The following GALNT8 variants were observed in gnomAD, a reference collection of about 807,000 sequenced individuals.
The protein encoded by GALNT8 is probable polypeptide N-acetylgalactosaminyltransferase 8.
GALNT8 carries 66 observed loss-of-function variants against 62.7 expected under a neutral mutation model. The observed-to-expected ratio is 1.05, with a 90% CI of 0.86 to 1.29. GALNT8 has a LOEUF of 1.29. Ranked by LOEUF, GALNT8 falls within the 50% of genes most tolerant of loss-of-function variation. The pLI is 0.00. For missense variants in GALNT8, 771 were observed against 791.8 expected, an observed-to-expected ratio of 0.97 and a Z score of 0.32; for synonymous variants, 288 against 294.3, an observed-to-expected ratio of 0.98 and a Z score of 0.22.
chr12:4,745,884 AT>A lies in GALNT8; in HGVS notation c.1059-257del, dbSNP rs375577471. 6.6e-5 allele frequency among the ~76,000 whole-genome samples: 10 copies of A among 152,322 alleles called. No individual in the cohort carries two copies. The East Asian group carries it at 1.5e-3, about 23-fold the overall frequency. ...TAAAATTTTGGAAAACATTTGGGCC[AT>A]TTCAAGCTTTAGCAGACTATGAAGT... On this transcript the variant is annotated intron_variant, in intron 5 of 10. Coordinates refer to ENST00000252318, the MANE Select transcript of GALNT8 (RefSeq NM_017417.2).
chr12:4,729,069 G>T (rs1946209126), intron 2 of GALNT8, among the ~76,000 whole-genome samples: 1 of 151,934 alleles, frequency 6.6e-6, no homozygotes, highest in Admixed American at 6.6e-5. Context: ...GTATAAGTTT[G>T]TTTATGTCTT....
intron 2 of GALNT8, among the ~76,000 whole-genome samples, chr12:4,736,207 C>T (rs1419205935): frequency 1.3e-5 from 2 of 152,180 alleles, no homozygotes; most frequent in African/African-American, 2.4e-5. Context: ...CATCAGCAAA[C>T]AGCTGAAGCC....
chr12:4,745,294 C>T (rs1591569167), intron 4 of GALNT8, 135 bp from the exon 5 acceptor site: 2 of 656,482 alleles, frequency 3.0e-6, no homozygotes, highest in East Asian at 5.4e-5. Flanking sequence ...CTAGAGAGTT[C>T]TACTCACAAC....
chr12:4,745,954 G>A (rs1946297151), intron 5 of GALNT8, among the ~76,000 whole-genome samples, 190 bp from the exon 6 acceptor site: 1 of 152,192 alleles, frequency 6.6e-6, no homozygotes, highest in Non-Finnish European at 1.5e-5. Flanking sequence ...TATATTTTGA[G>A]AAGGGTTATG....
chr12:4,729,870 A>G (rs975240888), intron 2 of GALNT8, among the ~76,000 whole-genome samples: 1 of 152,100 alleles, frequency 6.6e-6, no homozygotes, highest in African/African-American at 2.4e-5. Context: ...TATTTTTTCC[A>G]CATTATCGTC....
intron 8 of GALNT8, 91 bp from the exon 9 acceptor site, chr12:4,763,861 G>A: frequency 1.3e-6 from 1 of 753,318 alleles, no homozygotes; most frequent in South Asian, 1.5e-5. Context: ...TGGTGTCCTC[G>A]GTGTGTTGGG....
chr12:4,741,605 C>CT (rs1238602444), intron 3 of GALNT8, among the ~76,000 whole-genome samples: 1 of 151,982 alleles, frequency 6.6e-6, no homozygotes, highest in Non-Finnish European at 1.5e-5. Context: ...ATACTATACT[C>CT]TATGGCCTAT....
intron 6 of GALNT8, among the ~76,000 whole-genome samples, chr12:4,754,268 G>A (rs1465145243): frequency 6.6e-6 from 1 of 152,130 alleles, no homozygotes; most frequent in Non-Finnish European, 1.5e-5. Flanking sequence ...ACACAGGCCT[G>A]TGTCCTTCCT....
intron 2 of GALNT8, among the ~76,000 whole-genome samples, chr12:4,730,316 A>G (rs965248394): frequency 1.3e-5 from 2 of 151,778 alleles, no homozygotes. Flanking sequence ...AATTTTCTCT[A>G]TTTTCTTTAT....
At chr12:4,765,762 A>G (rs1946397289) in intron 10 of GALNT8, among the ~76,000 whole-genome samples, 1 of 152,128 alleles carries the variant, frequency 6.6e-6, no homozygotes, top group African/African-American at 2.4e-5. Context: ...GTCCATTTCT[A>G]TGGCCACTAT....
rs978252403 is a variant in GALNT8 at position 4,744,548 on chromosome 12, T to G, written c.708T>G (p.Ile236Met). The G allele has an allele frequency of 6.2e-7, 1 of 1,612,208 alleles. No homozygotes were observed. The highest frequency in any genetic ancestry group is 1.7e-5 in the Admixed American group (1 of 59,846). The change falls in exon 4 of 11, where the codon ATT (isoleucine) becomes ATG (methionine). Residue 236 changes from isoleucine (I) to methionine (M), a missense_variant. Transcript: ENST00000252318. Reference sequence around the variant, plus strand: ...TAAAGGTACACTTGGATGAGAAGATTAAGCTTTACAACCAGAAGTATCCAG... The same window carrying G: ...TAAAGGTACACTTGGATGAGAAGATGAAGCTTTACAACCAGAAGTATCCAG... Reference protein sequence around the residue: ...GELKVHLDEKIKLYNQKYPGL... With the variant: ...GELKVHLDEKMKLYNQKYPGL...
intron 2 of GALNT8, among the ~76,000 whole-genome samples, chr12:4,729,591 T>G (rs1425302384): frequency 6.6e-6 from 1 of 152,196 alleles, no homozygotes; most frequent in Non-Finnish European, 1.5e-5. Context: ...TTTATCCATG[T>G]TGTCACAAAA....
chr12:4,722,421 T>C (rs535486222), intron 1 of GALNT8, among the ~76,000 whole-genome samples: 1 of 152,204 alleles, frequency 6.6e-6, no homozygotes, highest in Non-Finnish European at 1.5e-5. Context: ...ATAACAATAG[T>C]GATAGTTATC....
intron 10 of GALNT8, among the ~76,000 whole-genome samples, chr12:4,769,644 A>G (rs976540537): frequency 5.3e-5 from 8 of 152,012 alleles, no homozygotes; most frequent in African/African-American, 1.7e-4. Context: ...TAAAGAAGCA[A>G]GATGTAAAGA....
At chr12:4,742,660 G>A (rs1591568229) in intron 3 of GALNT8, among the ~76,000 whole-genome samples, 1 of 152,072 alleles carries the variant, frequency 6.6e-6, no homozygotes, top group Admixed American at 6.5e-5. Flanking sequence ...AGGCAGGCTC[G>A]GATTGGGACT....
chr12:4,755,277 G>A (rs181864071), intron 6 of GALNT8, among the ~76,000 whole-genome samples: 1 of 152,310 alleles, frequency 6.6e-6, no homozygotes, highest in East Asian at 1.9e-4. Context: ...CCTACTTCTG[G>A]GATCAGTGAT....
In GALNT8 at chr12:4,765,352, CTTTTTTTTT is replaced by C. The variant is rs35971936; in HGVS notation, c.1594-11_1594-3del. ...GACAATGCCTATGGTGAGCCCTCTG[CTTTTTTTTT>C]TTTTTTTTTTTTTTTAGAATGTCTA... On this transcript the variant is annotated intron_variant, in intron 9 of 10. Coordinates refer to ENST00000252318, the MANE Select transcript of GALNT8 (RefSeq NM_017417.2). The C allele has an allele frequency of 4.6e-5, 47 of 1,014,818 alleles. No homozygotes were observed. The African/African-American group carries it at 6.6e-4, about 14-fold the overall frequency. 62.9% of individuals were successfully genotyped at this position (1,014,818 alleles called of 1,614,324 possible). A position where few individuals can be genotyped will look rare whatever the true frequency, so the allele number is the denominator to read the frequency against.
intron 1 of GALNT8, among the ~76,000 whole-genome samples, chr12:4,724,993 A>T (rs561788234): frequency 6.6e-6 from 1 of 152,288 alleles, no homozygotes; most frequent in South Asian, 2.1e-4. Context: ...GCTGACCCTG[A>T]GTTGCAATCA....
chr12:4,747,830 C>T (rs1403430365), intron 6 of GALNT8, among the ~76,000 whole-genome samples: 1 of 151,824 alleles, frequency 6.6e-6, no homozygotes, highest in African/African-American at 2.4e-5. Flanking sequence ...AATCTACATT[C>T]CCACCAACAG....
Sources: gnomAD v4.1 joint callset for allele counts (sites outside exome capture counted in the v4.1 genomes callset) on GRCh38, gnomAD v4.1.1 for gene constraint, MANE v1.5 for transcripts, NCBI Gene and HGNC (gene_info 2026-07-23, HGNC 2026-07-21) for gene names.